Variants in APBA1 observed in about 807,000 individuals in gnomAD.
APBA1 encodes amyloid-beta A4 precursor protein-binding family A member 1.
APBA1 carries 55 observed loss-of-function variants against 86.6 expected under a neutral mutation model. The observed-to-expected ratio is 0.64, with a 90% confidence interval of 0.51 to 0.80. The LOEUF is 0.80. Ranked by LOEUF, APBA1 falls within the 30% of genes least tolerant of loss-of-function variation. The pLI is 0.00. For synonymous variants in APBA1, 511 were observed against 493.9 expected (o/e 1.03, Z -0.46); for missense variants, 1,090 against 1,183.0 (o/e 0.92, Z 1.15).
chr9:69,437,128 C>T (rs1437519042), intron 11 of APBA1, among the ~76,000 whole-genome samples: 1 of 151,738 alleles, frequency 6.6e-6, no homozygotes, highest in African/African-American at 2.4e-5. Context: ...GGATGAAGCC[C>T]ACTTGATCAT....
intron 1 of APBA1, among the ~76,000 whole-genome samples, chr9:69,618,909 A>G (rs1822761015): frequency 6.6e-6 from 1 of 152,242 alleles, no homozygotes; most frequent in Admixed American, 6.5e-5. Context: ...TAAGTCTCTC[A>G]ACTTTTCCAA....
chr9:69,486,005 G>A (rs1835603696), intron 2 of APBA1, among the ~76,000 whole-genome samples: 1 of 151,700 alleles, frequency 6.6e-6, no homozygotes, highest in Non-Finnish European at 1.5e-5. Context: ...AGGCTGGAGT[G>A]CAGTGGTGCG....
rs1834549010 is a variant in APBA1, at chr9:69,429,404, C to T, written c.*1923G>A. 1 of 152,208 alleles carries T rather than the reference C, an allele frequency of 6.6e-6. No homozygotes were observed. Among genetic ancestry groups the T allele is most frequent in the African/African-American group, 2.4e-5 (1 of 41,452 alleles). The allele number at this position is 152,208 out of a possible 1,614,324, so 9.4% of individuals were successfully genotyped here. A position where few individuals can be genotyped will look rare whatever the true frequency, so the allele number is the denominator to read the frequency against. On this transcript the variant is annotated 3_prime_UTR_variant, in exon 13 of 13. Coordinates refer to ENST00000265381, the MANE Select transcript of APBA1 (RefSeq NM_001163.4). ...TCTGTAAAGCATCCTTCAAAGAAGT[C>T]CTGGGGAGCTTTACGGACCATCCCA...
chr9:69,585,417 C>A (rs1436410589), intron 1 of APBA1, among the ~76,000 whole-genome samples: 1 of 152,154 alleles, frequency 6.6e-6, no homozygotes, highest in African/African-American at 2.4e-5. Flanking sequence ...GGTGTGTGCC[C>A]GCTTCCTTCA....
At chr9:69,511,913 G>A (rs1163453898) in intron 2 of APBA1, among the ~76,000 whole-genome samples, 5 of 151,216 alleles carry the variant, frequency 3.3e-5, no homozygotes, top group South Asian at 4.2e-4. Context: ...TCACACTCTG[G>A]GGACTGTGGT....
intron 3 of APBA1, chr9:69,472,391 C>T (rs962287536): frequency 1.3e-5 from 2 of 152,278 alleles, no homozygotes; most frequent in African/African-American, 4.8e-5. Context: ...TGCCTGCTAT[C>T]AGAGGAGCAA....
chr9:69,596,433 GAC>G (rs1009705666), intron 1 of APBA1, among the ~76,000 whole-genome samples: 2 of 152,056 alleles, frequency 1.3e-5, no homozygotes, highest in Non-Finnish European at 2.9e-5. Context: ...AAGTAACCAA[GAC>G]ACAGGCTCAT....
intron 4 of APBA1, 43 bp from the exon 5 acceptor site, chr9:69,468,011 G>A (rs1407806234): frequency 7.5e-6 from 12 of 1,600,112 alleles, no homozygotes; most frequent in African/African-American, 2.7e-5. Context: ...TCCTGGGGTG[G>A]GGCCTGCCAA....
intron 1 of APBA1, among the ~76,000 whole-genome samples, chr9:69,665,782 G>A (rs1441690151): frequency 6.6e-6 from 1 of 152,130 alleles, no homozygotes; most frequent in African/African-American, 2.4e-5. Flanking sequence ...ACAGAATCAC[G>A]CTTTGTTTTC....
chr9:69,440,305 A>C (rs955006313), intron 11 of APBA1, among the ~76,000 whole-genome samples: 14 of 152,292 alleles, frequency 9.2e-5, no homozygotes, highest in Non-Finnish European at 1.8e-4. Context: ...TACTCTCTTC[A>C]AAGCTGTCAG....
In APBA1 at chr9:69,430,026, T is replaced by A. The variant is rs1834561258; in HGVS notation, c.*1301A>T. On this transcript the variant is annotated 3_prime_UTR_variant, in exon 13 of 13. Transcript: ENST00000265381. ...GCACCTGATGAAAACACGGAACAAT[T>A]CCACACCAGCCAAAAATGCTCTCAG... 1.3e-5 allele frequency: 2 copies of A among 152,058 alleles called. No individual in the cohort carries two copies. Among genetic ancestry groups the A allele is most frequent in the African/African-American group, 4.8e-5 (2 of 41,394 alleles). 9.4% of individuals were successfully genotyped at this position (152,058 alleles called of 1,614,324 possible).
chr9:69,535,750 C>G, intron 1 of APBA1, among the ~76,000 whole-genome samples: 1 of 152,090 alleles, frequency 6.6e-6, no homozygotes, highest in Non-Finnish European at 1.5e-5. Flanking sequence ...CAGGCCCCCT[C>G]TATTGAATTT....
intron 1 of APBA1, among the ~76,000 whole-genome samples, chr9:69,643,009 C>T (rs185512925): frequency 3.6e-4 from 55 of 151,058 alleles, no homozygotes; most frequent in Non-Finnish European, 8.1e-4. Context: ...ACACACACAC[C>T]CCCGCCACAA....
chr9:69,503,707 A>G (rs1182984911), intron 2 of APBA1, among the ~76,000 whole-genome samples: 2 of 152,168 alleles, frequency 1.3e-5, no homozygotes, highest in East Asian at 3.9e-4. Context: ...AACCATCTAA[A>G]ACTCCTGGTG....
At chr9:69,557,822 G>A (rs1017909292) in intron 1 of APBA1, among the ~76,000 whole-genome samples, 2 of 152,178 alleles carry the variant, frequency 1.3e-5, no homozygotes, top group African/African-American at 4.8e-5. Context: ...ACCCTTTACT[G>A]ATACTCCTTT....
chr9:69,616,131 C>T (rs1298401623), intron 1 of APBA1, among the ~76,000 whole-genome samples: 7 of 152,170 alleles, frequency 4.6e-5, no homozygotes, highest in African/African-American at 7.2e-5. Flanking sequence ...TTTTAGTCCA[C>T]GCAGTGAGTG....
chr9:69,548,912 A>T (rs1836740406), intron 1 of APBA1, among the ~76,000 whole-genome samples: 1 of 152,206 alleles, frequency 6.6e-6, no homozygotes, highest in South Asian at 2.1e-4. Flanking sequence ...CTACTTTGTT[A>T]CAGAAGCAGC....
intron 1 of APBA1, among the ~76,000 whole-genome samples, chr9:69,530,404 A>G (rs1021286509): frequency 1.3e-5 from 2 of 151,724 alleles, no homozygotes; most frequent in Non-Finnish European, 2.9e-5. Context: ...GAATGAAATC[A>G]TATTCTTTGT....
chr9:69,597,342 C>T lies in APBA1; in HGVS notation c.-70+74811G>A, dbSNP rs1326881147. Among the ~76,000 whole-genome samples the T allele has an allele frequency of 2.9e-4, 44 of 152,290 alleles. 1 individual carries two copies. The highest frequency in any genetic ancestry group is 1.5e-5 in the Non-Finnish European group (1 of 68,026). On this transcript the variant is annotated intron_variant, in intron 1 of 12. Transcript: ENST00000265381. ...TTGAGAAGTGTCTGTTCATGTCCTT[C>T]TCCCACTTTTTGATGGGGTTGTTTT...
Sources: gnomAD v4.1 joint callset for allele counts (sites outside exome capture counted in the v4.1 genomes callset) on GRCh38, gnomAD v4.1.1 for gene constraint, MANE v1.5 for transcripts, NCBI Gene and HGNC (gene_info 2026-07-23, HGNC 2026-07-21) for gene names.